DIAPH3: variants seen among roughly 807,000 people sequenced by gnomAD.
DIAPH3 encodes protein diaphanous homolog 3.
DIAPH3 carries 117 observed loss-of-function variants against 144.3 expected under a neutral mutation model. That is an observed-to-expected ratio of 0.81 (90% CI 0.70 to 0.95). The LOEUF is 0.95. Ranked by LOEUF, DIAPH3 falls within the 40% of genes least tolerant of loss-of-function variation. The probability of loss-of-function intolerance (pLI) is 0.00; values close to 1 mark genes in which losing one functional copy is unlikely to be tolerated. For synonymous variants in DIAPH3, 519 were observed against 488.9 expected, an observed-to-expected ratio of 1.06 and a Z score of -0.81; for missense variants, 1,421 against 1,412.7, an observed-to-expected ratio of 1.01 and a Z score of -0.09.
chr13:59,667,924 C>T (rs1315351214), intron 27 of DIAPH3, among the ~76,000 whole-genome samples: 2 of 152,192 alleles, frequency 1.3e-5, no homozygotes, highest in Non-Finnish European at 2.9e-5. Flanking sequence ...ACAGCTTGTA[C>T]ATTAAAAGGT....
At chr13:59,783,973 G>A (rs1033899203) in intron 25 of DIAPH3, among the ~76,000 whole-genome samples, 71 of 152,278 alleles carry the variant, frequency 4.7e-4, no homozygotes, top group African/African-American at 1.6e-3. Context: ...TTATCAACCT[G>A]TGACCATTTT....
At chr13:59,847,177 C>T (rs966806610) in intron 22 of DIAPH3, among the ~76,000 whole-genome samples, 2 of 152,182 alleles carry the variant, frequency 1.3e-5, no homozygotes, top group African/African-American at 2.4e-5. Context: ...GATCTTCTTT[C>T]TTCCCATTGT....
At chr13:60,042,058 C>G (rs183850132) in intron 5 of DIAPH3, among the ~76,000 whole-genome samples, 1 of 152,020 alleles carries the variant, frequency 6.6e-6, no homozygotes, top group African/African-American at 2.4e-5. Context: ...AATATATTTA[C>G]ACTGATTGTT....
chr13:59,933,113 G>A (rs1404659425), intron 17 of DIAPH3, among the ~76,000 whole-genome samples: 1 of 152,168 alleles, frequency 6.6e-6, no homozygotes, highest in East Asian at 1.9e-4. Context: ...TGAGAATGAA[G>A]TTTTTGTACA....
intron 27 of DIAPH3, among the ~76,000 whole-genome samples, chr13:59,750,012 T>C (rs2036922019): frequency 6.6e-6 from 1 of 152,192 alleles, no homozygotes; most frequent in Admixed American, 6.5e-5. Flanking sequence ...AGTTGAAACC[T>C]TCCTTCCCTC....
At chr13:59,979,739 T>C (rs1327947624) in intron 14 of DIAPH3, among the ~76,000 whole-genome samples, 2 of 151,698 alleles carry the variant, frequency 1.3e-5, no homozygotes, top group African/African-American at 4.8e-5. Context: ...ATACATTTAG[T>C]ATCTGCTACA....
intron 21 of DIAPH3, among the ~76,000 whole-genome samples, chr13:59,865,371 T>C (rs1371683656): frequency 6.6e-6 from 1 of 152,042 alleles, no homozygotes; most frequent in African/African-American, 2.4e-5. Flanking sequence ...TTGTTGAAGA[T>C]GAGTAACAAC....
intron 27 of DIAPH3, among the ~76,000 whole-genome samples, chr13:59,757,392 C>A (rs1451235306): frequency 1.1e-5 from 1 of 93,046 alleles, no homozygotes. Context: ...ATGGGTCATC[C>A]TTTTTTTTTT....
At chr13:59,770,756 G>C (rs1671930066) in intron 27 of DIAPH3, among the ~76,000 whole-genome samples, 1 of 152,008 alleles carries the variant, frequency 6.6e-6, no homozygotes, top group African/African-American at 2.4e-5. Context: ...AAAATTTTTT[G>C]TTGCCTCTAA....
In DIAPH3 at chr13:59,718,073, C is replaced by T. The variant is rs542861740; in HGVS notation, c.3320-51227G>A. On this transcript the variant is annotated intron_variant, in intron 27 of 27. Transcript: ENST00000400324. ...CCAGGTCCTTTTACATTATTTATTC[C>T]GTTTCAGACTTATCACAACCTCTCA... Among the ~76,000 whole-genome samples, 83 of 152,134 alleles carry T rather than the reference C, an allele frequency of 5.5e-4. 1 individual carries two copies. The South Asian group carries it at 7.1e-3, about 13-fold the overall frequency.
chr13:59,906,144 T>C (rs2046724847), intron 20 of DIAPH3, among the ~76,000 whole-genome samples: 1 of 152,196 alleles, frequency 6.6e-6, no homozygotes, highest in African/African-American at 2.4e-5. Context: ...TACAGAATTA[T>C]TTTTTAAAAA....
intron 15 of DIAPH3, among the ~76,000 whole-genome samples, chr13:59,971,440 G>A (rs184582575): frequency 6.6e-6 from 1 of 152,106 alleles, no homozygotes; most frequent in African/African-American, 2.4e-5. Flanking sequence ...GGAGGGAAAT[G>A]GGTATGTGGA....
At chr13:59,854,071 C>T (rs1425045432) in intron 22 of DIAPH3, among the ~76,000 whole-genome samples, 1 of 152,052 alleles carries the variant, frequency 6.6e-6, no homozygotes, top group Non-Finnish European at 1.5e-5. Flanking sequence ...TGACTGACAT[C>T]ATCCAATGAC....
chr13:59,872,055 A>G (rs976873702), intron 21 of DIAPH3, among the ~76,000 whole-genome samples: 28 of 151,760 alleles, frequency 1.8e-4, no homozygotes, highest in African/African-American at 6.5e-4. Context: ...TTCTCTATTA[A>G]TTTTCTGTAT....
intron 17 of DIAPH3, 130 bp downstream of exon 17, chr13:59,969,814 T>C (rs1048169206): frequency 3.9e-6 from 2 of 506,532 alleles, no homozygotes; most frequent in Non-Finnish European, 6.9e-6. Flanking sequence ...TACCATTTAT[T>C]TGCCCATTAG....
intron 5 of DIAPH3, among the ~76,000 whole-genome samples, chr13:60,031,308 G>A (rs868625043): frequency 3.2e-4 from 48 of 152,212 alleles, no homozygotes; most frequent in African/African-American, 1.1e-3. Context: ...ACCAAGCCAT[G>A]AGGGATCTGA....
intron 9 of DIAPH3, among the ~76,000 whole-genome samples, chr13:60,002,440 A>T (rs2052578870): frequency 6.6e-6 from 1 of 152,186 alleles, no homozygotes; most frequent in Non-Finnish European, 1.5e-5. Flanking sequence ...TTCACATTAC[A>T]CTATGAGTGT....
intron 2 of DIAPH3, among the ~76,000 whole-genome samples, chr13:60,121,062 C>G (rs1427604762): frequency 6.6e-6 from 1 of 152,148 alleles, no homozygotes; most frequent in Non-Finnish European, 1.5e-5. Context: ...ATGTTCTTCA[C>G]TATTGCATTA....
intron 27 of DIAPH3, among the ~76,000 whole-genome samples, chr13:59,680,871 C>CT (rs2032903848): frequency 6.6e-6 from 1 of 152,156 alleles, no homozygotes; most frequent in South Asian, 2.1e-4. Context: ...ATAATGGAAT[C>CT]TAGAAACCTT....
Sources: gnomAD v4.1 joint callset for allele counts (sites outside exome capture counted in the v4.1 genomes callset) on GRCh38, gnomAD v4.1.1 for gene constraint, MANE v1.5 for transcripts, NCBI Gene and HGNC (gene_info 2026-07-23, HGNC 2026-07-21) for gene names.